LRRC9: variants seen among roughly 807,000 people sequenced by gnomAD.
LRRC9 encodes the protein leucine-rich repeat-containing protein 9.
In LRRC9, 122 loss-of-function variants were observed where a neutral mutation model predicts 63.2. That is an observed-to-expected ratio of 1.93 (90% CI 1.67 to 2.24). LRRC9 has a LOEUF of 2.24. LRRC9 is among the 30% of genes most tolerant of loss of function. The pLI is 0.00. For missense variants in LRRC9, 1,071 were observed against 627.7 expected, an observed-to-expected ratio of 1.71 and a Z score of -7.55; for synonymous variants, 366 against 213.1, an observed-to-expected ratio of 1.72 and a Z score of -6.25.
Position 59,938,457 on chromosome 14 carries a change from C to G in LRRC9, c.611C>G (p.Thr204Ser). ...TGTCTGAATGACCCTCAATATACAA[C>G]CAATCCAGTTTGTCTTCTGTGTAAT... Residue 204 changes from threonine to serine, a missense_variant, in exon 7 of 32, where the codon ACC becomes AGC. Coordinates refer to ENST00000445360, the Ensembl canonical transcript of LRRC9. This position sits in a 1 kb window ranked among gnomAD's most constrained non-coding sequence, Gnocchi z 4.2. 1.4e-6 allele frequency: 1 copy of G among 698,236 alleles called. No individual in the cohort carries two copies. Among genetic ancestry groups the G allele is most frequent in the Non-Finnish European group, 2.6e-6 (1 of 382,782 alleles). The allele number at this position is 698,236 out of a possible 1,614,324, so 43.3% of individuals were successfully genotyped here.
intron 17 of LRRC9, among the ~76,000 whole-genome samples, chr14:59,993,718 G>A (rs1184848205): frequency 6.6e-6 from 1 of 152,174 alleles, no homozygotes; most frequent in Non-Finnish European, 1.5e-5. Flanking sequence ...GACAAAGAAG[G>A]CCATTACAGA....
At chr14:59,975,064 CTATGTGTG>C in intron 13 of LRRC9, among the ~76,000 whole-genome samples, 1 of 11,432 alleles carries the variant, frequency 8.7e-5, no homozygotes, top group East Asian at 2.0e-3. Flanking sequence ...CTGAACTAAA[CTATGTGTG>C]TGTGTGTGTG....
intron 12 of LRRC9, among the ~76,000 whole-genome samples, chr14:59,972,146 C>T (rs1034693337): frequency 6.6e-6 from 1 of 152,052 alleles, no homozygotes; most frequent in African/African-American, 2.4e-5. Context: ...CAGCTCATAC[C>T]ACCCTTTGAT....
chr14:59,943,834 T>C (rs564926173), intron 7 of LRRC9, among the ~76,000 whole-genome samples: 17 of 152,174 alleles, frequency 1.1e-4, no homozygotes, highest in East Asian at 3.9e-4. Flanking sequence ...GTAGAAAATA[T>C]ATGTCTAAGA....
rs926369974 is a variant in LRRC9, at chr14:60,031,124, G to C, written c.3922-871G>C. Among the ~76,000 whole-genome samples the C allele has an allele frequency of 6.6e-6, 1 of 151,976 alleles. No individual in the cohort carries two copies. The highest frequency in any genetic ancestry group is 1.5e-5 in the Non-Finnish European group (1 of 67,914). Reference sequence around the variant, plus strand: ...TTCCACAGATAGAAACTGCTTGTGGGTAAAAATGCACAATATCTCTATAGA... The same window carrying C: ...TTCCACAGATAGAAACTGCTTGTGGCTAAAAATGCACAATATCTCTATAGA... On this transcript the variant is annotated intron_variant, in intron 28 of 31. Coordinates refer to ENST00000445360, the Ensembl canonical transcript of LRRC9. This position sits in a 1 kb window ranked among gnomAD's most constrained non-coding sequence, Gnocchi z 4.6.
In LRRC9 at chr14:60,042,627, G is replaced by T. The variant is rs1045794362; in HGVS notation, c.3991-10438G>T. Among the ~76,000 whole-genome samples the T allele has an allele frequency of 1.3e-5, 2 of 152,156 alleles. No homozygotes were observed. Among genetic ancestry groups the T allele is most frequent in the African/African-American group, 4.8e-5 (2 of 41,442 alleles). ...CACAGTATTAGGCTGAGAGTGTCCCGATTTTCCAGGTACTGCCTGTCATGG... is the reference window on the plus strand; with the variant it reads ...CACAGTATTAGGCTGAGAGTGTCCCTATTTTCCAGGTACTGCCTGTCATGG... On this transcript the variant is annotated intron_variant, in intron 29 of 31. Coordinates refer to ENST00000445360, the Ensembl canonical transcript of LRRC9. The surrounding 1 kb of genome is among the most constrained non-coding windows in gnomAD (Gnocchi z 4.2).
intron 28 of LRRC9, among the ~76,000 whole-genome samples, chr14:60,029,168 T>G (rs564194022): frequency 6.6e-6 from 1 of 152,198 alleles, no homozygotes; most frequent in South Asian, 2.1e-4. Context: ...ATCTTTCCAG[T>G]GACAGCAACT....
In LRRC9 at chr14:59,938,406, C is replaced by G. The variant is rs1258942479; in HGVS notation, c.560C>G (p.Thr187Ser). 4.4e-6 allele frequency: 3 copies of G among 687,606 alleles called. No individual in the cohort carries two copies. The Admixed American group carries it at 6.3e-5, about 15-fold the overall frequency. The allele number at this position is 687,606 out of a possible 1,614,324, so 42.6% of individuals were successfully genotyped here. A position where few individuals can be genotyped will look rare whatever the true frequency, so the allele number is the denominator to read the frequency against. The change falls in exon 7 of 32, where the codon ACC becomes AGC. Residue 187 changes from threonine (T) to serine (S), a missense_variant. Transcript: ENST00000445360. The surrounding 1 kb of genome is among the most constrained non-coding windows in gnomAD (Gnocchi z 4.2). ...GCATTTTAGGAACTCACGAACTTAA[C>G]CAGGCTGCCTTGCTTAAAGGATTTA...
chr14:60,036,567 T>A lies in LRRC9; in HGVS notation c.3990+4504T>A, dbSNP rs137976657. Among the ~76,000 whole-genome samples the A allele has an allele frequency of 4.0e-3, 611 of 152,280 alleles. 6 individuals carry two copies. Among genetic ancestry groups the A allele is most frequent in the African/African-American group, 0.014 (577 of 41,560 alleles). On this transcript the variant is annotated intron_variant, in intron 29 of 31. Transcript: ENST00000445360. ...GTTGGGTTCATCTGGTGACATCTTA[T>A]GAATAGACTCAGGTTGTGCATTTTG...
intron 8 of LRRC9, 58 bp downstream of exon 8, chr14:59,944,802 G>C: frequency 1.7e-6 from 1 of 576,460 alleles, no homozygotes; most frequent in Non-Finnish European, 3.0e-6. Context: ...CGTTAGATAA[G>C]ATAGCAAGCA....
At chr14:60,037,209 A>T (rs980204629) in intron 29 of LRRC9, among the ~76,000 whole-genome samples, 3 of 152,222 alleles carry the variant, frequency 2.0e-5, no homozygotes, top group African/African-American at 7.2e-5. Context: ...TATTGTGAAT[A>T]GTGCCACAAT....
At chr14:59,968,174 A>G (rs1885060747) in intron 12 of LRRC9, among the ~76,000 whole-genome samples, 1 of 152,250 alleles carries the variant, frequency 6.6e-6, no homozygotes, top group Admixed American at 6.5e-5. Context: ...AAGCCAGACA[A>G]AAATGGAAAA....
chr14:60,038,666 G>T (rs219413), intron 29 of LRRC9, among the ~76,000 whole-genome samples: 113,931 of 152,058 alleles, frequency 0.75, 44,699 homozygotes, highest in Non-Finnish European at 0.87. Context: ...GAGATTTGGG[G>T]ATGAGACAAT....
At chr14:60,065,320 AT>A (rs1304609161), downstream of LRRC9, among the ~76,000 whole-genome samples, 8 of 150,864 alleles carry the variant, frequency 5.3e-5, no homozygotes, top group African/African-American at 1.5e-4. Flanking sequence ...TCAAAAAAAA[AT>A]TTTTTTTTCA....
In LRRC9 at chr14:59,991,504, G is replaced by A. The variant is rs529575645; in HGVS notation, c.2212-6152G>A. 2.8e-3 allele frequency among the ~76,000 whole-genome samples: 421 copies of A among 152,234 alleles called. 1 individual carries two copies. The highest frequency in any genetic ancestry group is 8.4e-3 in the African/African-American group (347 of 41,542). ...GGGTGCAGCACACCGAGCGTGAGCC[G>A]AAGCATGGTGAGGCATTGCCTCACC... is the stretch of plus-strand genomic sequence containing the variant. On this transcript the variant is annotated intron_variant, in intron 17 of 31. Transcript: ENST00000445360.
chr14:60,023,175 T>A (rs1043856425), intron 27 of LRRC9, among the ~76,000 whole-genome samples: 1 of 152,008 alleles, frequency 6.6e-6, no homozygotes, highest in Admixed American at 6.6e-5. Flanking sequence ...AAACCCAGAA[T>A]TGTGGTAAGT....
chr14:59,945,274 T>C (rs1413557057), intron 8 of LRRC9, among the ~76,000 whole-genome samples: 1 of 151,954 alleles, frequency 6.6e-6, no homozygotes, highest in African/African-American at 2.4e-5. Context: ...TTACTAAAAG[T>C]AGACCCTGAA....
intron 15 of LRRC9, among the ~76,000 whole-genome samples, chr14:59,981,223 A>C (rs1272744191): frequency 6.6e-6 from 1 of 151,950 alleles, no homozygotes; most frequent in African/African-American, 2.4e-5. Flanking sequence ...TTTTATTTTA[A>C]TAATTGTTTT....
Position 59,942,309 on chromosome 14 carries a change from G to T in LRRC9, c.727-2280G>T, listed in dbSNP as rs1176859508. Among the ~76,000 whole-genome samples the T allele has an allele frequency of 6.6e-6, 1 of 152,134 alleles. No individual in the cohort carries two copies. Among genetic ancestry groups the T allele is most frequent in the Non-Finnish European group, 1.5e-5 (1 of 68,022 alleles). Reference sequence around the variant, plus strand: ...GAATAGTGCTGCAGTAAACGTGGGGGTGCAGGTATCCCTTTGATACACTGA... The same window carrying T: ...GAATAGTGCTGCAGTAAACGTGGGGTTGCAGGTATCCCTTTGATACACTGA... On this transcript the variant is annotated intron_variant, in intron 7 of 31. Coordinates refer to ENST00000445360, the Ensembl canonical transcript of LRRC9. The surrounding 1 kb of genome is among the most constrained non-coding windows in gnomAD (Gnocchi z 5.3).
Sources: gnomAD v4.1 joint callset for allele counts (sites outside exome capture counted in the v4.1 genomes callset) on GRCh38, gnomAD v4.1.1 for gene constraint, Gnocchi (gnomAD v3.1) non-coding constraint, MANE v1.5 for transcripts, NCBI Gene and HGNC (gene_info 2026-07-23, HGNC 2026-07-21) for gene names.